TUSC3: variants seen among roughly 807,000 people sequenced by gnomAD.
TUSC3 encodes tumor suppressor candidate 3.
A neutral mutation model predicts 44.8 loss-of-function variants in TUSC3; 45 were observed. That is an observed-to-expected ratio of 1.00 (90% confidence interval 0.79 to 1.29). TUSC3 has a LOEUF of 1.29. Ranked by LOEUF, TUSC3 falls within the 50% of genes most tolerant of loss-of-function variation. The probability of loss-of-function intolerance (pLI) is 0.00; values close to 1 mark genes in which losing one functional copy is unlikely to be tolerated. For missense variants in TUSC3, 519 were observed against 437.9 expected (o/e 1.19, Z -1.65); for synonymous variants, 212 against 152.9 (o/e 1.39, Z -2.85).
At chr8:15,503,625 G>T (rs1800999697) in intron 2 of TUSC3, among the ~76,000 whole-genome samples, 1 of 152,052 alleles carries the variant, frequency 6.6e-6, no homozygotes, top group African/African-American at 2.4e-5. Context: ...GATTGCTTGA[G>T]CCCAGGAATT....
At chr8:15,795,971 G>A in the TUSC3 span, among the ~76,000 whole-genome samples, 1 of 152,092 alleles carries the variant, frequency 6.6e-6, no homozygotes, top group Non-Finnish European at 1.5e-5. Context: ...AGTGGTGAAG[G>A]ACCACCACCA....
intron 2 of TUSC3, among the ~76,000 whole-genome samples, chr8:15,494,455 C>G (rs969630356): frequency 5.9e-5 from 9 of 151,850 alleles, no homozygotes; most frequent in Non-Finnish European, 1.2e-4. Context: ...GTAGCTGGGA[C>G]TACAGGCGCA....
intron 1 of TUSC3, among the ~76,000 whole-genome samples, chr8:15,600,597 G>T (rs1279737385): frequency 1.3e-5 from 2 of 151,730 alleles, no homozygotes; most frequent in Non-Finnish European, 3.0e-5. Context: ...AAATAAATTG[G>T]ATGGGAGATA....
At chr8:15,687,428 C>T (rs1223973406) in intron 6 of TUSC3, among the ~76,000 whole-genome samples, 1 of 152,188 alleles carries the variant, frequency 6.6e-6, no homozygotes, top group African/African-American at 2.4e-5. Flanking sequence ...CATCTGATGT[C>T]TTTCAAACTC....
At chr8:15,840,422 C>A in the TUSC3 span, among the ~76,000 whole-genome samples, 6 of 151,968 alleles carry the variant, frequency 3.9e-5, no homozygotes, top group Non-Finnish European at 5.9e-5. Flanking sequence ...CACAAAAACT[C>A]AGGAGCAGAA....
chr8:15,535,409 A>C (rs1395240026), upstream of TUSC3, among the ~76,000 whole-genome samples: 1 of 152,190 alleles, frequency 6.6e-6, no homozygotes, highest in Non-Finnish European at 1.5e-5. Flanking sequence ...AATAAACAGA[A>C]TGGGTGGATT....
At chr8:15,767,067 G>T (rs1812352928), downstream of TUSC3, among the ~76,000 whole-genome samples, 1 of 152,024 alleles carries the variant, frequency 6.6e-6, no homozygotes, top group African/African-American at 2.4e-5. Flanking sequence ...ACCAATATAT[G>T]TAATAATGTT....
chr8:15,460,453 G>C (rs753345941), intron 1 of TUSC3, among the ~76,000 whole-genome samples: 11 of 152,132 alleles, frequency 7.2e-5, no homozygotes, highest in Non-Finnish European at 7.3e-5. Flanking sequence ...CATATGTATA[G>C]ATTGTGAAGA....
At chr8:15,563,691 A>AAAAAAAAAAAAAAG in intron 1 of TUSC3, among the ~76,000 whole-genome samples, 1 of 150,744 alleles carries the variant, frequency 6.6e-6, no homozygotes, top group Non-Finnish European at 1.5e-5. Context: ...ATCTCAAAAA[A>AAAAAAAAAAAAAAG]AAAAAAAAAA....
chr8:15,471,774 C>A (rs146461751), intron 1 of TUSC3, among the ~76,000 whole-genome samples: 4 of 152,008 alleles, frequency 2.6e-5, no homozygotes, highest in African/African-American at 4.8e-5. Flanking sequence ...CTCACCAACA[C>A]GTCCAGCTAA....
In TUSC3 at chr8:15,446,140, G is replaced by A. The variant is rs188468076; in HGVS notation, n.91+28835G>A. 9.0e-3 allele frequency among the ~76,000 whole-genome samples: 1,367 copies of A among 151,480 alleles called. 20 individuals are homozygous for A. Among genetic ancestry groups the A allele is most frequent in the African/African-American group, 0.031 (1,265 of 41,188 alleles). ...TCAGATCCCAGACGGGGTCGCGGCC[G>A]GGCAGAGGCGCTCCTCACATCCCAG... is the stretch of plus-strand genomic sequence containing the variant. On this transcript the variant is annotated intron_variant and non_coding_transcript_variant, in intron 1 of 5. Transcript: ENST00000503191.
At chr8:15,731,449 C>G (rs1432984556) in intron 7 of TUSC3, among the ~76,000 whole-genome samples, 2 of 152,086 alleles carry the variant, frequency 1.3e-5, no homozygotes, top group African/African-American at 4.8e-5. Context: ...GATTCATATT[C>G]AAATGTGTAG....
chr8:15,522,340 C>T (rs1300316535), intron 2 of TUSC3, among the ~76,000 whole-genome samples: 2 of 151,898 alleles, frequency 1.3e-5, no homozygotes, highest in African/African-American at 4.8e-5. Context: ...TCAAGCAATT[C>T]TTGTGCCTAA....
intron 3 of TUSC3, among the ~76,000 whole-genome samples, chr8:15,653,927 G>C (rs1807032213): frequency 2.0e-5 from 3 of 152,004 alleles, no homozygotes; most frequent in Non-Finnish European, 4.4e-5. Flanking sequence ...GGACTCACTG[G>C]GGAAGTAACT....
intron 9 of TUSC3, 46 bp downstream of exon 9, chr8:15,748,511 G>A (rs758184094): frequency 7.0e-7 from 1 of 1,432,206 alleles, no homozygotes; most frequent in Non-Finnish European, 9.8e-7. Flanking sequence ...TTAACTAATA[G>A]AACAGAGTTT....
At chr8:15,845,919 G>C in the TUSC3 span, among the ~76,000 whole-genome samples, 1 of 152,270 alleles carries the variant, frequency 6.6e-6, no homozygotes, top group Middle Eastern at 3.4e-3. Context: ...TGGACTTACA[G>C]TTCCATATGG....
chr8:15,815,012 C>G, the TUSC3 span, among the ~76,000 whole-genome samples: 1 of 151,804 alleles, frequency 6.6e-6, no homozygotes, highest in South Asian at 2.1e-4. Context: ...TACACACAGA[C>G]ACAAATTAAA....
At chr8:15,804,403 A>G in the TUSC3 span, among the ~76,000 whole-genome samples, 9 of 152,250 alleles carry the variant, frequency 5.9e-5, no homozygotes, top group African/African-American at 1.9e-4. Context: ...ATTATTTCTT[A>G]AGGCTGATGT....
At chr8:15,508,737 A>G (rs1015807842) in intron 2 of TUSC3, among the ~76,000 whole-genome samples, 2 of 152,148 alleles carry the variant, frequency 1.3e-5, no homozygotes, top group South Asian at 2.1e-4. Flanking sequence ...CTGGGATTAC[A>G]GGCGTAAGCC....
Sources: allele counts gnomAD v4.1 joint callset (sites outside exome capture counted in the v4.1 genomes callset), GRCh38; gene constraint gnomAD v4.1.1; transcripts MANE v1.5; gene names NCBI Gene and HGNC (gene_info 2026-07-23, HGNC 2026-07-21).